Variants in PITPNC1 observed in about 807,000 individuals in gnomAD.
The protein encoded by PITPNC1 is phosphatidylinositol transfer protein cytoplasmic 1.
A neutral mutation model predicts 44.7 loss-of-function variants in PITPNC1; 18 were observed. That is an observed-to-expected ratio of 0.40 (90% CI 0.28 to 0.60). PITPNC1 has a LOEUF of 0.60. PITPNC1 is among the 20% of genes least tolerant of loss of function. The pLI is 0.39. For missense variants in PITPNC1, 290 were observed against 418.4 expected, an observed-to-expected ratio of 0.69 and a Z score of 2.68; for synonymous variants, 141 against 149.6, an observed-to-expected ratio of 0.94 and a Z score of 0.42.
intron 1 of PITPNC1, among the ~76,000 whole-genome samples, chr17:67,494,898 A>AG (rs1403268473): frequency 6.6e-6 from 1 of 151,694 alleles, no homozygotes; most frequent in Non-Finnish European, 1.5e-5. Flanking sequence ...ATTTGAGCCC[A>AG]GGGGGTCAAG....
chr17:67,446,617 C>T (rs1178931076), intron 1 of PITPNC1, among the ~76,000 whole-genome samples: 1 of 151,090 alleles, frequency 6.6e-6, no homozygotes, highest in Non-Finnish European at 1.5e-5. Flanking sequence ...AAGAGAGATA[C>T]TTTAGTGTTT....
intron 1 of PITPNC1, among the ~76,000 whole-genome samples, chr17:67,420,685 G>C (rs1189959091): frequency 6.6e-6 from 1 of 152,152 alleles, no homozygotes; most frequent in Non-Finnish European, 1.5e-5. Flanking sequence ...GCCCGCCTCA[G>C]CCTCCCAAAG....
intron 5 of PITPNC1, among the ~76,000 whole-genome samples, chr17:67,622,514 C>CTTT (rs1254933576): frequency 1.5e-4 from 18 of 118,944 alleles, no homozygotes; most frequent in African/African-American, 5.0e-4. Flanking sequence ...GTAGCCTGGA[C>CTTT]TTTTTTTTTT....
chr17:67,662,887 T>C (rs1353781900), intron 6 of PITPNC1, among the ~76,000 whole-genome samples: 1 of 152,212 alleles, frequency 6.6e-6, no homozygotes, highest in Admixed American at 6.5e-5. Flanking sequence ...GTGGTGAGCA[T>C]AGTACCCCAT....
intron 2 of PITPNC1, among the ~76,000 whole-genome samples, chr17:67,551,522 G>A (rs1408449476): frequency 6.6e-6 from 1 of 152,132 alleles, no homozygotes; most frequent in Non-Finnish European, 1.5e-5. Context: ...CTCTGTCCTT[G>A]CATGGCTGTC....
At chr17:67,457,087 G>A (rs1396374171) in intron 1 of PITPNC1, 1 of 152,170 alleles carries the variant, frequency 6.6e-6, no homozygotes, top group Non-Finnish European at 1.5e-5. Context: ...CAGCACAGGA[G>A]TTTTGACTTG....
intron 1 of PITPNC1, among the ~76,000 whole-genome samples, chr17:67,387,782 TTTTG>T (rs1423455979): frequency 2.6e-5 from 4 of 152,244 alleles, no homozygotes; most frequent in Non-Finnish European, 5.9e-5. Flanking sequence ...TTTGTACTTA[TTTTG>T]TTTAATTGTT....
intron 1 of PITPNC1, among the ~76,000 whole-genome samples, chr17:67,495,572 C>G (rs2039942184): frequency 1.3e-5 from 2 of 152,136 alleles, no homozygotes; most frequent in South Asian, 4.1e-4. Flanking sequence ...GTCTGTTGTT[C>G]CCCTCTTTGT....
intron 1 of PITPNC1, among the ~76,000 whole-genome samples, chr17:67,386,408 G>C (rs1259979519): frequency 1.3e-5 from 2 of 152,100 alleles, no homozygotes; most frequent in African/African-American, 4.8e-5. Flanking sequence ...GTCCAGGCTG[G>C]TCTCGAACTC....
chr17:67,678,846 TCATGGAAACATGGAAA>T (rs145754268), intron 8 of PITPNC1, among the ~76,000 whole-genome samples: 85 of 152,304 alleles, frequency 5.6e-4, no homozygotes, highest in African/African-American at 1.9e-3. Context: ...AGTGAGACTC[TCATGGAAACATGGAAA>T]CATGGAAACA....
At chr17:67,599,847 G>A (rs138127796) in intron 5 of PITPNC1, among the ~76,000 whole-genome samples, 1 of 152,292 alleles carries the variant, frequency 6.6e-6, no homozygotes, top group East Asian at 1.9e-4. Context: ...ATGTTCGGGT[G>A]TATCTCCTCT....
At chr17:67,634,694 G>C (rs1032710443) in intron 6 of PITPNC1, among the ~76,000 whole-genome samples, 3 of 152,136 alleles carry the variant, frequency 2.0e-5, no homozygotes, top group Admixed American at 2.0e-4. Flanking sequence ...AGGCAGGTAC[G>C]GGGAGAGACT....
At chr17:67,639,622 A>C (rs2042070980) in intron 6 of PITPNC1, among the ~76,000 whole-genome samples, 1 of 152,204 alleles carries the variant, frequency 6.6e-6, no homozygotes, top group Non-Finnish European at 1.5e-5. Context: ...TTGATTTTGA[A>C]CTTTCCCCTT....
intron 1 of PITPNC1, among the ~76,000 whole-genome samples, chr17:67,425,203 G>GCACACACACACACGCACA (rs2038739620): frequency 1.0e-5 from 1 of 98,780 alleles, no homozygotes; most frequent in Non-Finnish European, 2.0e-5. Context: ...GCACGCACAC[G>GCACACACACACACGCACA]CACACACACA....
At chr17:67,643,669 T>A (rs1229026674) in intron 6 of PITPNC1, among the ~76,000 whole-genome samples, 4 of 152,190 alleles carry the variant, frequency 2.6e-5, no homozygotes, top group Non-Finnish European at 5.9e-5. Flanking sequence ...TTGATCATCA[T>A]CAATTCTGTG....
At chr17:67,512,241 G>A (rs1269554104) in intron 1 of PITPNC1, among the ~76,000 whole-genome samples, 1 of 152,196 alleles carries the variant, frequency 6.6e-6, no homozygotes, top group East Asian at 1.9e-4. Flanking sequence ...GCTCACGCCT[G>A]TAATCCCAGC....
chr17:67,520,661 C>T (rs376083888), intron 1 of PITPNC1, among the ~76,000 whole-genome samples: 4 of 152,112 alleles, frequency 2.6e-5, no homozygotes, highest in African/African-American at 9.7e-5. Context: ...TGAACGGGAG[C>T]GCACAGGACT....
chr17:67,398,556 G>A (rs1340012080), intron 1 of PITPNC1, among the ~76,000 whole-genome samples: 2 of 152,104 alleles, frequency 1.3e-5, no homozygotes, highest in Non-Finnish European at 2.9e-5. Flanking sequence ...AGTGCCGGCT[G>A]CAGGAGTTGC....
intron 1 of PITPNC1, among the ~76,000 whole-genome samples, chr17:67,493,140 G>A (rs910440269): frequency 1.9e-4 from 29 of 152,320 alleles, no homozygotes; most frequent in African/African-American, 7.0e-4. Context: ...TCCAATGGTA[G>A]ATTCAGTAAC....
Sources: allele counts gnomAD v4.1 joint callset (sites outside exome capture counted in the v4.1 genomes callset), GRCh38; gene constraint gnomAD v4.1.1; transcripts MANE v1.5; gene names NCBI Gene and HGNC (gene_info 2026-07-23, HGNC 2026-07-21).